Variants in SHPRH observed in about 807,000 individuals in gnomAD.
SHPRH encodes the protein SNF2 histone linker PHD RING helicase.
A neutral mutation model predicts 202.5 loss-of-function variants in SHPRH; 106 were observed. The ratio of observed to expected loss-of-function variants is 0.52; its 90% CI spans 0.45 to 0.62. The LOEUF is 0.62. Ranked by LOEUF, SHPRH falls within the 20% of genes least tolerant of loss-of-function variation. The probability of loss-of-function intolerance (pLI) is 0.00; values close to 1 mark genes in which losing one functional copy is unlikely to be tolerated. For synonymous variants in SHPRH, 729 were observed against 686.0 expected (o/e 1.06, Z -0.98); for missense variants, 1,710 against 2,020.0 (o/e 0.85, Z 2.94).
At chr6:145,867,631 TAGAGAGAGAGAGAG>T (rs748613165) in intron 2 of SHPRH, among the ~76,000 whole-genome samples, 21 of 22,318 alleles carry the variant, frequency 9.4e-4, no homozygotes, top group African/African-American at 3.7e-3. Flanking sequence ...TATATATATA[TAGAGAGAGAGAGAG>T]AGAGAGAGAG....
chr6:145,873,758 G>T (rs1780170982), intron 2 of SHPRH, among the ~76,000 whole-genome samples: 1 of 151,740 alleles, frequency 6.6e-6, no homozygotes, highest in Non-Finnish European at 1.5e-5. Flanking sequence ...TGAAGAAAAA[G>T]AACGAAAAGT....
intron 21 of SHPRH, among the ~76,000 whole-genome samples, chr6:145,919,968 G>A (rs1784291571): frequency 1.3e-5 from 2 of 151,948 alleles, no homozygotes; most frequent in African/African-American, 4.8e-5. Context: ...TCCTCCTTCA[G>A]TACCCAACCA....
intron 1 of SHPRH, among the ~76,000 whole-genome samples, chr6:145,956,368 C>T (rs1348201411): frequency 6.6e-6 from 1 of 152,072 alleles, no homozygotes; most frequent in Non-Finnish European, 1.5e-5. Flanking sequence ...ATAAGGTATG[C>T]CATAATTAAA....
intron 1 of SHPRH, 32 bp from the exon 2 acceptor site, chr6:145,955,386 A>T: frequency 6.6e-7 from 1 of 1,516,022 alleles, no homozygotes; most frequent in South Asian, 1.3e-5. Flanking sequence ...AGGAGGTATA[A>T]CAAGAGATGA....
intron 29 of SHPRH, among the ~76,000 whole-genome samples, chr6:145,887,533 GTTTTT>G (rs1220167063): frequency 7.6e-6 from 1 of 131,148 alleles, no homozygotes; most frequent in Non-Finnish European, 1.6e-5. Flanking sequence ...TAACAAGTTT[GTTTTT>G]TTTTTTTTTT....
chr6:145,931,530 G>A (rs1785442982), intron 14 of SHPRH, among the ~76,000 whole-genome samples: 1 of 151,910 alleles, frequency 6.6e-6, no homozygotes, highest in East Asian at 1.9e-4. Flanking sequence ...TAGAGACGGG[G>A]TTTCACCATG....
chr6:145,939,325 A>G (rs1353234363), intron 11 of SHPRH, among the ~76,000 whole-genome samples: 1 of 152,220 alleles, frequency 6.6e-6, no homozygotes, highest in East Asian at 1.9e-4. Flanking sequence ...GGCTACAAAT[A>G]CATGTCAAAA....
intron 25 of SHPRH, chr6:145,905,108 G>C (rs1258120093): frequency 6.6e-6 from 1 of 152,120 alleles, no homozygotes; most frequent in African/African-American, 2.4e-5. Flanking sequence ...TGACACAGCA[G>C]TTCTTTCTTA....
downstream of SHPRH, among the ~76,000 whole-genome samples, chr6:145,882,464 C>T (rs1186425169): frequency 1.6e-4 from 24 of 152,202 alleles, no homozygotes; most frequent in Non-Finnish European, 2.9e-5. Flanking sequence ...CAACATTCCA[C>T]ACTGATGCTT....
chr6:145,922,676 G>C lies in SHPRH; in HGVS notation c.3706C>G (p.Leu1236Val), dbSNP rs1784524332. 1.9e-6 allele frequency: 3 copies of C among 1,605,398 alleles called. No homozygotes were observed. Among genetic ancestry groups the C allele is most frequent in the South Asian group, 2.2e-5 (2 of 89,874 alleles). ...ATVCHLRPAR[L>V]PLNCCVFCKA... is the part of the protein sequence containing the mutation. ...TCTATTACCTACCAGTTGAGAGGAA[G>C]TCTGGCTGGTCGGAGGTGACAGACT... is the stretch of plus-strand genomic sequence containing the variant. Residue 1236 changes from leucine to valine, a missense_variant, in exon 19 of 30, where the codon CTT becomes GTT. By Grantham distance (32) the Leu-to-Val change is conservative. Around this residue, in one of 8 missense-constraint regions of SHPRH, gnomAD observed 288 missense variants for 317.8 expected, o/e 0.91. Coordinates refer to ENST00000275233, the MANE Select transcript of SHPRH (RefSeq NM_001042683.3).
At chr6:145,928,764 T>C (rs1344229091) in intron 14 of SHPRH, among the ~76,000 whole-genome samples, 2 of 152,026 alleles carry the variant, frequency 1.3e-5, no homozygotes, top group African/African-American at 4.8e-5. Flanking sequence ...TTATATCTAG[T>C]TCTATTAGTT....
intron 2 of SHPRH, among the ~76,000 whole-genome samples, chr6:145,873,304 T>C (rs1332594136): frequency 3.9e-5 from 6 of 152,044 alleles, no homozygotes; most frequent in Non-Finnish European, 1.5e-5. Context: ...GCTGGTGGAT[T>C]AGATGTGAAG....
At chr6:145,941,085 A>G (rs1456510218) in intron 10 of SHPRH, among the ~76,000 whole-genome samples, 1 of 152,196 alleles carries the variant, frequency 6.6e-6, no homozygotes, top group Non-Finnish European at 1.5e-5. Flanking sequence ...TAACTGATCC[A>G]TGCCCTGCAT....
At chr6:145,923,893 A>T in intron 17 of SHPRH, 108 bp from the exon 18 acceptor site, 1 of 1,110,008 alleles carries the variant, frequency 9.0e-7, no homozygotes, top group Non-Finnish European at 1.3e-6. Flanking sequence ...AATAAATGCT[A>T]TTCTCAAAGG....
intron 9 of SHPRH, among the ~76,000 whole-genome samples, chr6:145,942,508 G>A (rs1786901710): frequency 6.6e-6 from 1 of 152,170 alleles, no homozygotes. Flanking sequence ...CCATGCCTAT[G>A]TAAAGTGGAT....
At chr6:145,900,889 C>T (rs1311101314) in intron 25 of SHPRH, among the ~76,000 whole-genome samples, 2 of 151,626 alleles carry the variant, frequency 1.3e-5, no homozygotes, top group South Asian at 2.1e-4. Context: ...ATTTTTTATC[C>T]GTGGTTAACT....
intron 2 of SHPRH, among the ~76,000 whole-genome samples, chr6:145,875,638 GA>G (rs1183952928): frequency 6.6e-6 from 1 of 152,192 alleles, no homozygotes; most frequent in African/African-American, 2.4e-5. Context: ...AAGTGTGCCA[GA>G]TTAGACCTTC....
intron 15 of SHPRH, 59 bp from the exon 16 acceptor site, chr6:145,926,355 C>A (rs1352289920): frequency 8.7e-6 from 12 of 1,384,766 alleles, no homozygotes; most frequent in Non-Finnish European, 1.1e-5. Flanking sequence ...CTGAAGAGAA[C>A]CTAATATTAA....
chr6:145,863,766 T>C (rs1212784860), downstream of SHPRH, among the ~76,000 whole-genome samples: 3 of 152,092 alleles, frequency 2.0e-5, no homozygotes, highest in Non-Finnish European at 4.4e-5. Context: ...GATCAAAGTG[T>C]TTTCGAGAGG....
Sources: allele counts gnomAD v4.1 joint callset (sites outside exome capture counted in the v4.1 genomes callset), GRCh38; gene constraint gnomAD v4.1.1; regional missense constraint gnomAD v4.1.1; transcripts MANE v1.5; gene names NCBI Gene and HGNC (gene_info 2026-07-23, HGNC 2026-07-21).